Variants in RNF152 observed in about 807,000 individuals in gnomAD.
RNF152 encodes the protein E3 ubiquitin-protein ligase RNF152.
Under a neutral mutation model 12.7 loss-of-function variants are expected in RNF152, and 11 were observed. The observed-to-expected ratio is 0.86, with a 90% CI of 0.54 to 1.43. The LOEUF (loss-of-function observed/expected upper bound fraction) is 1.43. Among genes scored for constraint, RNF152 ranks in the 40% most tolerant of loss-of-function variants. RNF152 has a pLI of 0.00. For missense variants in RNF152, 255 were observed against 274.8 expected (o/e 0.93, Z 0.51); for synonymous variants, 113 against 120.3 (o/e 0.94, Z 0.40).
chr18:61,818,791 A>T (rs148918814), intron 1 of RNF152, among the ~76,000 whole-genome samples: 1 of 152,362 alleles, frequency 6.6e-6, no homozygotes, highest in Non-Finnish European at 1.5e-5. Flanking sequence ...TATTCATTCA[A>T]ATTTTCATTG....
At chr18:61,827,651 A>G (rs1032490602) in intron 1 of RNF152, among the ~76,000 whole-genome samples, 5 of 152,200 alleles carry the variant, frequency 3.3e-5, no homozygotes, top group African/African-American at 7.2e-5. Flanking sequence ...ATTTTCTTTG[A>G]GCACAGAGTG....
chr18:61,826,752 T>C (rs933150977), intron 1 of RNF152, among the ~76,000 whole-genome samples: 1 of 152,230 alleles, frequency 6.6e-6, no homozygotes, highest in Non-Finnish European at 1.5e-5. Flanking sequence ...TTTAGTATAT[T>C]ACTCTGGAGA....
At chr18:61,843,567 G>A (rs1910549990) in intron 1 of RNF152, among the ~76,000 whole-genome samples, 1 of 152,114 alleles carries the variant, frequency 6.6e-6, no homozygotes, top group Admixed American at 6.5e-5. Flanking sequence ...CCCACAGACA[G>A]ATGAATGGCA....
chr18:61,893,043 G>T (rs1232914871), upstream of RNF152: 3 of 152,454 alleles, frequency 2.0e-5, no homozygotes, highest in Admixed American at 1.3e-4. Flanking sequence ...ATGAGGTGTG[G>T]AGGGCTGGCG....
intron 1 of RNF152, among the ~76,000 whole-genome samples, chr18:61,880,337 G>A (rs1187230526): frequency 6.6e-6 from 1 of 152,188 alleles, no homozygotes; most frequent in Non-Finnish European, 1.5e-5. Context: ...ACGTTACACT[G>A]AACCAGTTTT....
intron 1 of RNF152, among the ~76,000 whole-genome samples, chr18:61,879,009 G>A (rs1017158166): frequency 2.0e-5 from 3 of 152,196 alleles, no homozygotes; most frequent in African/African-American, 7.2e-5. Flanking sequence ...AAATGGAAAG[G>A]AAAGTAAGTC....
intron 1 of RNF152, among the ~76,000 whole-genome samples, chr18:61,880,604 T>G (rs1568294436): frequency 6.6e-6 from 1 of 152,126 alleles, no homozygotes. Flanking sequence ...TACAGTTATC[T>G]CCCCCACTCT....
chr18:61,819,476 C>T (rs903417609), intron 1 of RNF152, among the ~76,000 whole-genome samples: 14 of 152,152 alleles, frequency 9.2e-5, no homozygotes, highest in Non-Finnish European at 1.6e-4. Flanking sequence ...AAATGAGTAG[C>T]TGAAGTGAAT....
At chr18:61,821,282 T>C (rs1599262637) in intron 1 of RNF152, among the ~76,000 whole-genome samples, 1 of 152,246 alleles carries the variant, frequency 6.6e-6, no homozygotes, top group Admixed American at 6.5e-5. Context: ...TCCTATTCCA[T>C]TTCCAACTCT....
intron 1 of RNF152, among the ~76,000 whole-genome samples, chr18:61,886,813 A>G (rs1473581386): frequency 1.3e-5 from 2 of 152,278 alleles, no homozygotes; most frequent in Non-Finnish European, 2.9e-5. Flanking sequence ...AGGTGATAAT[A>G]CAAGACAATC....
chr18:61,827,157 T>C (rs893485611), intron 1 of RNF152, among the ~76,000 whole-genome samples: 1 of 152,230 alleles, frequency 6.6e-6, no homozygotes, highest in African/African-American at 2.4e-5. Flanking sequence ...GTCTGAACTT[T>C]GGCCATAATT....
chr18:61,870,859 A>C (rs1483524300), intron 1 of RNF152, among the ~76,000 whole-genome samples: 1 of 151,960 alleles, frequency 6.6e-6, no homozygotes, highest in African/African-American at 2.4e-5. Context: ...CCTGACTCCT[A>C]ACCCATCACA....
chr18:61,824,172 T>C (rs1312044997), intron 1 of RNF152, among the ~76,000 whole-genome samples: 5 of 152,264 alleles, frequency 3.3e-5, no homozygotes, highest in African/African-American at 7.2e-5. Context: ...TGTTTGTATA[T>C]CTGCCAATCA....
At chr18:61,843,221 C>G (rs1407099578) in intron 1 of RNF152, among the ~76,000 whole-genome samples, 1 of 152,132 alleles carries the variant, frequency 6.6e-6, no homozygotes, top group African/African-American at 2.4e-5. Flanking sequence ...CGTGCACACC[C>G]TACAGAAAAG....
chr18:61,847,477 C>T (rs1317936516), intron 1 of RNF152, among the ~76,000 whole-genome samples: 2 of 152,220 alleles, frequency 1.3e-5, no homozygotes, highest in African/African-American at 2.4e-5. Context: ...AATCTGTTAA[C>T]TATGCAAAGG....
chr18:61,884,952 A>G (rs547941589), intron 1 of RNF152, among the ~76,000 whole-genome samples: 2 of 152,356 alleles, frequency 1.3e-5, no homozygotes, highest in East Asian at 3.9e-4. Flanking sequence ...ACACACCACC[A>G]TAGGTGAATG....
At chr18:61,877,381 G>A (rs1467100066) in intron 1 of RNF152, among the ~76,000 whole-genome samples, 1 of 152,192 alleles carries the variant, frequency 6.6e-6, no homozygotes, top group Admixed American at 6.5e-5. Flanking sequence ...TTCAAAGACT[G>A]TCATATTATA....
Position 61,813,670 on chromosome 18 carries a change from A to G in RNF152, c.*2182T>C, listed in dbSNP as rs1490249587. The G allele has an allele frequency of 1.3e-5, 2 of 152,232 alleles. No individual in the cohort carries two copies. Among genetic ancestry groups the G allele is most frequent in the Non-Finnish European group, 2.9e-5 (2 of 68,040 alleles). The allele number at this position is 152,232 out of a possible 1,614,324, so 9.4% of individuals were successfully genotyped here. A position where few individuals can be genotyped will look rare whatever the true frequency, so the allele number is the denominator to read the frequency against. ...ACTATACTACAGGGTCAGTCATTTC[A>G]CACTGTACAGAAACATATGCAGATA... On this transcript the variant is annotated 3_prime_UTR_variant, in exon 2 of 2. Transcript: ENST00000312828.
At chr18:61,867,754 T>C (rs1265862584) in intron 1 of RNF152, among the ~76,000 whole-genome samples, 1 of 152,052 alleles carries the variant, frequency 6.6e-6, no homozygotes, top group Non-Finnish European at 1.5e-5. Flanking sequence ...TTACCAGCAA[T>C]GCAGCAGGAA....
Sources: gnomAD v4.1 joint callset for allele counts (sites outside exome capture counted in the v4.1 genomes callset) on GRCh38, gnomAD v4.1.1 for gene constraint, MANE v1.5 for transcripts, NCBI Gene and HGNC (gene_info 2026-07-23, HGNC 2026-07-21) for gene names.